The following KIAA2012 variants were observed in gnomAD, a reference collection of about 807,000 sequenced individuals.
The protein encoded by KIAA2012 is uncharacterized protein KIAA2012.
In KIAA2012, 125 loss-of-function variants were observed where a neutral mutation model predicts 150.6. The observed-to-expected ratio is 0.83, with a 90% CI of 0.72 to 0.96. The LOEUF (loss-of-function observed/expected upper bound fraction) is 0.96. KIAA2012 is among the 40% of genes least tolerant of loss of function. The probability of loss-of-function intolerance (pLI) is 0.00; values close to 1 mark genes in which losing one functional copy is unlikely to be tolerated. For missense variants in KIAA2012, 1,219 were observed against 1,354.9 expected (o/e 0.90, Z 1.57); for synonymous variants, 462 against 504.7 (o/e 0.92, Z 1.13).
Position 202,073,592 on chromosome 2 carries a change from T to C in KIAA2012, c.-36T>C. The C allele has an allele frequency of 6.5e-7, 1 of 1,543,634 alleles. No homozygotes were observed. The highest frequency in any genetic ancestry group is 1.8e-4 in the Middle Eastern group (1 of 5,612). ...CAGATTTCAGCCTTCAAAACCAAGA[T>C]GGACTGCCCTTGAGAAGGGGTGGTC... is the stretch of plus-strand genomic sequence containing the variant. On this transcript the variant is annotated 5_prime_UTR_variant, in exon 1 of 24. It removes an upstream start codon present in the reference 5' UTR. Transcript: ENST00000498697.
chr2:202,107,790 C>T (rs994944989), intron 9 of KIAA2012, among the ~76,000 whole-genome samples: 17 of 152,116 alleles, frequency 1.1e-4, no homozygotes, highest in Non-Finnish European at 2.5e-4. Context: ...CGGCAGATCA[C>T]CTGAGGTCAG....
At chr2:202,171,299 G>C (rs949501391) in intron 15 of KIAA2012, among the ~76,000 whole-genome samples, 4 of 152,182 alleles carry the variant, frequency 2.6e-5, no homozygotes, top group African/African-American at 9.6e-5. Context: ...GTGGCCAATC[G>C]GGGAGGGAGG....
At chr2:202,126,188 C>T (rs891205298) in intron 12 of KIAA2012, among the ~76,000 whole-genome samples, 1 of 151,720 alleles carries the variant, frequency 6.6e-6, no homozygotes, top group African/African-American at 2.4e-5. Flanking sequence ...CTCCTGACCT[C>T]GTAATCTGCC....
In KIAA2012 at chr2:202,156,905, C is replaced by G. The variant is rs571701151; in HGVS notation, c.2046+2095C>G. 1.3e-3 allele frequency among the ~76,000 whole-genome samples: 203 copies of G among 152,182 alleles called. 7 individuals carry two copies. The South Asian group carries it at 0.041, about 31-fold the overall frequency. On this transcript the variant is annotated intron_variant, in intron 14 of 23. Transcript: ENST00000498697. ...GTCTCAAAAAGAAAATATGGAGCAT[C>G]TAAGAACGCAGAATTCAAAGTGGGG...
chr2:202,074,455 T>C (rs1368586176), intron 1 of KIAA2012, among the ~76,000 whole-genome samples: 2 of 152,198 alleles, frequency 1.3e-5, no homozygotes, highest in East Asian at 3.9e-4. Context: ...TTACATAGCA[T>C]CTGGAATGTA....
intron 2 of KIAA2012, among the ~76,000 whole-genome samples, chr2:202,078,206 C>T (rs1341562405): frequency 6.6e-6 from 1 of 152,246 alleles, no homozygotes; most frequent in African/African-American, 2.4e-5. Context: ...ATCAAATGAA[C>T]TCTGGTAAAT....
At chr2:202,149,102 A>C (rs1022243718) in intron 13 of KIAA2012, among the ~76,000 whole-genome samples, 10 of 152,114 alleles carry the variant, frequency 6.6e-5, no homozygotes, top group African/African-American at 2.4e-4. Context: ...CTACCCTAGC[A>C]GGGGGCGGGA....
At chr2:202,176,087 A>G (rs1691983542) in intron 15 of KIAA2012, among the ~76,000 whole-genome samples, 1 of 152,286 alleles carries the variant, frequency 6.6e-6, no homozygotes, top group South Asian at 2.1e-4. Context: ...AATGTCAAAA[A>G]GCAAAATTTA....
In KIAA2012 at chr2:202,165,450, G is replaced by A. The variant is rs573473464; in HGVS notation, c.2119+94G>A. 3.0e-5 allele frequency: 38 copies of A among 1,248,636 alleles called. No homozygotes were observed. The East Asian group carries it at 3.9e-4, about 13-fold the overall frequency. The allele number at this position is 1,248,636 out of a possible 1,614,324, so 77.3% of individuals were successfully genotyped here. A position where few individuals can be genotyped will look rare whatever the true frequency, so the allele number is the denominator to read the frequency against. ...AAGATGTTAATGGGAGGCCAGGCAC[G>A]GTGGCTCACGCCTGTAGTCCCAGCA... On this transcript the variant is annotated intron_variant, in intron 15 of 23. Coordinates refer to ENST00000498697, the MANE Select transcript of KIAA2012 (RefSeq NM_001277372.4).
At position 202,109,536 on chromosome 2, in the gene KIAA2012, A is replaced by C. The variant is rs1437681127; in HGVS notation, c.1475-77A>C. ...TCTTCACACAGAGGTCCTTCAACCA[A>C]GTTAGAAGAGAGCTTCCTTCTCCTT... On this transcript the variant is annotated intron_variant, in intron 9 of 23. Coordinates refer to ENST00000498697, the MANE Select transcript of KIAA2012 (RefSeq NM_001277372.4). 9 of 1,330,682 alleles carry C rather than the reference A, an allele frequency of 6.8e-6. No homozygotes were observed. The African/African-American group carries it at 1.3e-4, about 20-fold the overall frequency. The allele number at this position is 1,330,682 out of a possible 1,614,324, so 82.4% of individuals were successfully genotyped here.
Position 202,138,637 on chromosome 2 carries a change from G to A in KIAA2012, c.1908+129G>A, listed in dbSNP as rs1018170220. 23 of 613,470 alleles carry A rather than the reference G, an allele frequency of 3.7e-5. No individual in the cohort carries two copies. The South Asian group carries it at 4.6e-4, about 12-fold the overall frequency. The allele number at this position is 613,470 out of a possible 1,614,324, so 38.0% of individuals were successfully genotyped here. A position where few individuals can be genotyped will look rare whatever the true frequency, so the allele number is the denominator to read the frequency against. ...GCCTCATTTGCCTAATCAGTAAAAT[G>A]AGACAAGTAGACTATGAAATCACAG... On this transcript the variant is annotated intron_variant, in intron 13 of 23. Coordinates refer to ENST00000498697, the MANE Select transcript of KIAA2012 (RefSeq NM_001277372.4).
chr2:202,076,989 A>C (rs1237939762), intron 2 of KIAA2012: 3 of 457,034 alleles, frequency 6.6e-6, no homozygotes, highest in Non-Finnish European at 1.3e-5. Flanking sequence ...GAAGAGGAAG[A>C]CCACAGTATT....
chr2:202,125,239 C>G lies in KIAA2012; in HGVS notation c.1788C>G (p.Ile596Met). The change falls in exon 12 of 24, where the codon ATC becomes ATG. Residue 596 changes from isoleucine to methionine, a missense_variant. By Grantham distance (10) the Ile-to-Met change is conservative. Coordinates refer to ENST00000498697, the MANE Select transcript of KIAA2012 (RefSeq NM_001277372.4). ...GKAYESVNSN[I>M]SHEEEGPSSQ... is the part of the protein sequence containing the mutation. The stretch of plus-strand genomic sequence containing the variant: ...CCTATGAATCTGTCAATTCAAATAT[C>G]AGCCATGAAGAGGAAGGGCCTAGTA... 1 of 1,550,376 alleles carries G rather than the reference C, an allele frequency of 6.5e-7. No individual in the cohort carries two copies. The highest frequency in any genetic ancestry group is 8.7e-7 in the Non-Finnish European group (1 of 1,146,876).
intron 1 of KIAA2012, among the ~76,000 whole-genome samples, chr2:202,074,613 C>T (rs11674751): frequency 0.15 from 22,209 of 152,132 alleles, 2,198 homozygotes; most frequent in East Asian, 0.32. Context: ...CTTTAACTGG[C>T]CTGTAACCTA....
intron 4 of KIAA2012, 107 bp downstream of exon 4, chr2:202,093,292 C>T (rs1265503849): frequency 8.7e-7 from 1 of 1,148,718 alleles, no homozygotes; most frequent in East Asian, 2.6e-5. Context: ...TTCTGGGTTG[C>T]ATAGTCCTCA....
In KIAA2012 at chr2:202,165,290, G is replaced by A; in HGVS notation, c.2053G>A (p.Gly685Arg). 3 of 1,550,226 alleles carry A rather than the reference G, an allele frequency of 1.9e-6. No individual in the cohort carries two copies. The highest frequency in any genetic ancestry group is 2.6e-6 in the Non-Finnish European group (3 of 1,146,700). ...TTGTGTGTTAACCCAATAGGAAAGT[G>A]GAAATGCACTGGACTATCAGGAAGA... The part of the protein sequence containing the change: ...IDMTPFLKES[G>R]NALDYQEEAG... The change falls in exon 15 of 24, where the codon GGA becomes AGA. Residue 685 changes from glycine (G) to arginine (R), a missense_variant. Physicochemically the swap from Gly to Arg is moderately radical, Grantham distance 125. Coordinates refer to ENST00000498697, the MANE Select transcript of KIAA2012 (RefSeq NM_001277372.4).
At chr2:202,119,296 C>T (rs1281411538) in intron 11 of KIAA2012, among the ~76,000 whole-genome samples, 4 of 151,968 alleles carry the variant, frequency 2.6e-5, no homozygotes, top group Admixed American at 2.0e-4. Flanking sequence ...AGAATAATAG[C>T]TTGCTTTGAA....
intron 13 of KIAA2012, among the ~76,000 whole-genome samples, chr2:202,145,029 T>C (rs1332255744): frequency 6.6e-6 from 1 of 152,210 alleles, no homozygotes; most frequent in African/African-American, 2.4e-5. Context: ...CTTTGGGTCA[T>C]GTGCAGACTC....
intron 3 of KIAA2012, among the ~76,000 whole-genome samples, 175 bp downstream of exon 3, chr2:202,091,104 G>C (rs1689708218): frequency 6.6e-6 from 1 of 152,166 alleles, no homozygotes; most frequent in Admixed American, 6.5e-5. Flanking sequence ...CCCGTCCTTT[G>C]TCCTCTGACG....
Sources: allele counts gnomAD v4.1 joint callset (sites outside exome capture counted in the v4.1 genomes callset), GRCh38; gene constraint gnomAD v4.1.1; transcripts MANE v1.5; gene names NCBI Gene and HGNC (gene_info 2026-07-23, HGNC 2026-07-21).